The following CNTNAP2 variants were observed in gnomAD, a reference collection of about 807,000 sequenced individuals.
The protein encoded by CNTNAP2 is contactin-associated protein-like 2.
Under a neutral mutation model 155.2 loss-of-function variants are expected in CNTNAP2, and 98 were observed. The ratio of observed to expected loss-of-function variants is 0.63; its 90% CI spans 0.54 to 0.75. CNTNAP2 has a LOEUF of 0.75. Ranked by LOEUF, CNTNAP2 falls within the 30% of genes least tolerant of loss-of-function variation. The probability of loss-of-function intolerance (pLI) is 0.00; values close to 1 mark genes in which losing one functional copy is unlikely to be tolerated. For missense variants in CNTNAP2, 1,727 were observed against 1,688.1 expected (o/e 1.02, Z -0.40); for synonymous variants, 651 against 631.2 (o/e 1.03, Z -0.47).
chr7:147,424,955 C>G (rs1797354373), intron 10 of CNTNAP2, among the ~76,000 whole-genome samples: 1 of 152,044 alleles, frequency 6.6e-6, no homozygotes. Flanking sequence ...TCCATTGTAT[C>G]CACTTCTAGG....
intron 1 of CNTNAP2, among the ~76,000 whole-genome samples, chr7:146,728,813 T>C (rs1801476692): frequency 6.6e-6 from 1 of 152,166 alleles, no homozygotes; most frequent in African/African-American, 2.4e-5. Flanking sequence ...AGTACTGTGC[T>C]GCATATCAGG....
chr7:147,656,645 C>T (rs1042299906), intron 13 of CNTNAP2, among the ~76,000 whole-genome samples: 3 of 152,056 alleles, frequency 2.0e-5, no homozygotes, highest in African/African-American at 7.2e-5. Flanking sequence ...ACAATAGTAA[C>T]GTCAAAGATC....
chr7:147,604,058 T>C (rs903819201), intron 12 of CNTNAP2, among the ~76,000 whole-genome samples: 2 of 152,146 alleles, frequency 1.3e-5, no homozygotes, highest in African/African-American at 4.8e-5. Context: ...TTACACCTTA[T>C]ACAAAAATTA....
intron 1 of CNTNAP2, among the ~76,000 whole-genome samples, chr7:146,221,119 G>A (rs542519052): frequency 6.6e-6 from 1 of 152,118 alleles, no homozygotes; most frequent in Non-Finnish European, 1.5e-5. Flanking sequence ...TTTCTGAATG[G>A]ACCCTGCAGG....
At chr7:147,062,169 A>C (rs953161149) in intron 4 of CNTNAP2, among the ~76,000 whole-genome samples, 12 of 139,096 alleles carry the variant, frequency 8.6e-5, no homozygotes, top group African/African-American at 1.3e-4. Flanking sequence ...AAAAAAAAAA[A>C]ACCAGTTCTT....
chr7:146,403,132 G>A (rs996810356), intron 1 of CNTNAP2, among the ~76,000 whole-genome samples: 1 of 151,572 alleles, frequency 6.6e-6, no homozygotes, highest in African/African-American at 2.4e-5. Flanking sequence ...TTTTGGTAAG[G>A]GTGTGGCTAT....
At chr7:146,338,632 C>T (rs1053022331) in intron 1 of CNTNAP2, among the ~76,000 whole-genome samples, 8 of 152,148 alleles carry the variant, frequency 5.3e-5, no homozygotes, top group Admixed American at 4.6e-4. Flanking sequence ...CATGGCTCAA[C>T]ATTTGCTCAG....
intron 1 of CNTNAP2, among the ~76,000 whole-genome samples, chr7:146,226,625 A>C (rs1409713420): frequency 6.6e-6 from 1 of 152,164 alleles, no homozygotes; most frequent in Non-Finnish European, 1.5e-5. Flanking sequence ...ATGTCACTGC[A>C]CTCCAGCCTG....
intron 8 of CNTNAP2, among the ~76,000 whole-genome samples, chr7:147,148,162 G>A (rs572452081): frequency 9.2e-5 from 14 of 151,802 alleles, no homozygotes; most frequent in Middle Eastern, 3.2e-3. Context: ...AGGCCGAGGC[G>A]GGCGGATCAT....
chr7:146,927,135 T>G (rs1796624842), intron 3 of CNTNAP2, among the ~76,000 whole-genome samples: 1 of 152,168 alleles, frequency 6.6e-6, no homozygotes, highest in Non-Finnish European at 1.5e-5. Flanking sequence ...ATCAAAACTT[T>G]AATTTTCTAA....
intron 3 of CNTNAP2, among the ~76,000 whole-genome samples, chr7:146,941,091 A>C (rs894070259): frequency 6.6e-6 from 1 of 151,988 alleles, no homozygotes; most frequent in Non-Finnish European, 1.5e-5. Flanking sequence ...TGGTTGGATA[A>C]TTTAATTAAT....
chr7:146,881,675 A>G (rs1277238762), intron 3 of CNTNAP2, among the ~76,000 whole-genome samples: 1 of 151,986 alleles, frequency 6.6e-6, no homozygotes, highest in Non-Finnish European at 1.5e-5. Context: ...CTAAGGGAAA[A>G]AATAGCAAAA....
chr7:147,063,259 T>A (rs1200127248), intron 4 of CNTNAP2, among the ~76,000 whole-genome samples: 1 of 152,196 alleles, frequency 6.6e-6, no homozygotes, highest in African/African-American at 2.4e-5. Flanking sequence ...GGGTGGACTT[T>A]GAGTGTGAGC....
chr7:146,607,248 C>T (rs1164218096), intron 1 of CNTNAP2, among the ~76,000 whole-genome samples: 1 of 151,910 alleles, frequency 6.6e-6, no homozygotes, highest in Non-Finnish European at 1.5e-5. Context: ...GGAAGCATTC[C>T]CCAATGTTTA....
chr7:146,619,218 C>T (rs1055166081), intron 1 of CNTNAP2, among the ~76,000 whole-genome samples: 1 of 151,842 alleles, frequency 6.6e-6, no homozygotes, highest in African/African-American at 2.4e-5. Context: ...TAAATTCTTT[C>T]CCTAATTTTT....
At chr7:146,279,746 G>A (rs1216853445) in intron 1 of CNTNAP2, among the ~76,000 whole-genome samples, 1 of 150,920 alleles carries the variant, frequency 6.6e-6, no homozygotes, top group African/African-American at 2.4e-5. Context: ...ATTTAAACAT[G>A]GACACAATTT....
At chr7:146,671,226 C>A (rs1372812587) in intron 1 of CNTNAP2, among the ~76,000 whole-genome samples, 1 of 152,110 alleles carries the variant, frequency 6.6e-6, no homozygotes, top group East Asian at 1.9e-4. Flanking sequence ...CTGGAGGCCA[C>A]CATGAGTTAC....
intron 1 of CNTNAP2, among the ~76,000 whole-genome samples, chr7:146,127,156 C>T (rs1311535213): frequency 6.6e-6 from 1 of 152,150 alleles, no homozygotes; most frequent in Non-Finnish European, 1.5e-5. Context: ...CATGCTGTTT[C>T]GAATCATATT....
intron 1 of CNTNAP2, among the ~76,000 whole-genome samples, chr7:146,712,998 T>C (rs923784952): frequency 1.3e-5 from 2 of 152,036 alleles, no homozygotes; most frequent in Non-Finnish European, 2.9e-5. Flanking sequence ...TTGCCAGAGA[T>C]GAAATGCCCT....
Sources: gnomAD v4.1 joint callset for allele counts (sites outside exome capture counted in the v4.1 genomes callset) on GRCh38, gnomAD v4.1.1 for gene constraint, MANE v1.5 for transcripts, NCBI Gene and HGNC (gene_info 2026-07-23, HGNC 2026-07-21) for gene names.